Variants in MYOF observed in about 807,000 individuals in gnomAD.
MYOF encodes myoferlin.
In MYOF, 244 loss-of-function variants were observed where a neutral mutation model predicts 284.2. That is an observed-to-expected ratio of 0.86 (90% confidence interval 0.77 to 0.95). MYOF has a LOEUF of 0.95. Ranked by LOEUF, MYOF falls within the 40% of genes least tolerant of loss-of-function variation. MYOF has a pLI of 0.00. For missense variants in MYOF, 2,496 were observed against 2,560.6 expected, an observed-to-expected ratio of 0.97 and a Z score of 0.54; for synonymous variants, 904 against 919.7, an observed-to-expected ratio of 0.98 and a Z score of 0.31.
rs1844762336 is a variant in MYOF at position 93,355,662 on chromosome 10, T to C, written c.3369A>G (p.Gly1123=). ...TGCAGGAAACAATGGGGGTGTTTGC[T>C]CCGAACACAGTGGTGGCACTGTGCT... ...KQKHSATTVF[G]ANTPIVSCNF... is the part of the protein sequence containing the mutation. The change falls in exon 31 of 54, where the codon GGA becomes GGG. Residue 1123 remains glycine (G), a synonymous_variant. Coordinates refer to ENST00000359263, the MANE Select transcript of MYOF (RefSeq NM_013451.4). 2 of 1,612,406 alleles carry C rather than the reference T, an allele frequency of 1.2e-6. No homozygotes were observed. The highest frequency in any genetic ancestry group is 4.5e-5 in the East Asian group (2 of 44,884).
At position 93,409,651 on chromosome 10, in the gene MYOF, C is replaced by G. The variant is rs752115954; in HGVS notation, c.522G>C (p.Ser174=). 6.2e-7 allele frequency: 1 copy of G among 1,614,236 alleles called. No individual in the cohort carries two copies. Among genetic ancestry groups the G allele is most frequent in the Admixed American group, 1.7e-5 (1 of 60,028 alleles). The part of the protein sequence containing the change: ...PGPKGPVGTV[S]EAQLARRLTK... ...TGAGCCTCCGAGCAAGCTGAGCTTC[C>G]GACACCGTCCCAACTGGCCCCTTGG... is the stretch of plus-strand genomic sequence containing the variant. Residue 174 remains serine (S), a synonymous_variant, in exon 6 of 54, where the codon TCG becomes TCC. Coordinates refer to ENST00000359263, the MANE Select transcript of MYOF (RefSeq NM_013451.4).
intron 30 of MYOF, among the ~76,000 whole-genome samples, chr10:93,356,207 T>TC (rs1440520571): frequency 1.3e-5 from 2 of 152,172 alleles, no homozygotes; most frequent in African/African-American, 4.8e-5. Context: ...GCCTGCTTTT[T>TC]CCCCCGACTT....
chr10:93,316,478 C>T (rs976994163), intron 50 of MYOF, among the ~76,000 whole-genome samples: 11 of 152,020 alleles, frequency 7.2e-5, no homozygotes, highest in African/African-American at 2.4e-4. Flanking sequence ...TGAGTCTTCA[C>T]AGACAGACAG....
At position 93,307,060 on chromosome 10, in the gene MYOF, A is replaced by AG. The variant is rs907563199; in HGVS notation, c.6148-60dup. On this transcript the variant is annotated intron_variant, in intron 53 of 53. Transcript: ENST00000359263. ...ATGTATGTATATATGTTTTTCAGTT[A>AG]GGGTTTCTCAATCTTGAGAAAAAAT... The AG allele has an allele frequency of 4.1e-6, 6 of 1,479,056 alleles. No individual in the cohort carries two copies. In the African/African-American group the frequency reaches 8.5e-5, roughly 21 times the overall value. The allele number at this position is 1,479,056 out of a possible 1,614,324, so 91.6% of individuals were successfully genotyped here. A position where few individuals can be genotyped will look rare whatever the true frequency, so the allele number is the denominator to read the frequency against.
At chr10:93,358,582 A>G (rs1298440651) in intron 29 of MYOF, among the ~76,000 whole-genome samples, 2 of 152,140 alleles carry the variant, frequency 1.3e-5, no homozygotes, top group Admixed American at 1.3e-4. Flanking sequence ...GGATGAAGAA[A>G]ATGTGGTATA....
In MYOF at chr10:93,401,448, T is replaced by TC; in HGVS notation, c.1086dup (p.Lys363GlufsTer6). On this transcript the variant is annotated frameshift_variant, in exon 12 of 54. Transcript: ENST00000359263. LOFTEE classifies it high-confidence loss of function. ...GGGATGTCCTCAGCTCGGTAGATTT[T>TC]CAGCAAGAAGGTCACCCACCGGAGG... 1.2e-6 allele frequency: 2 copies of TC among 1,614,202 alleles called. No individual in the cohort carries two copies. Among genetic ancestry groups the TC allele is most frequent in the Non-Finnish European group, 1.7e-6 (2 of 1,180,024 alleles).
At chr10:93,326,575 C>T (rs560214030) in intron 45 of MYOF, among the ~76,000 whole-genome samples, 17 of 152,258 alleles carry the variant, frequency 1.1e-4, no homozygotes, top group South Asian at 2.1e-4. Context: ...TGTTAGAACA[C>T]GGAAATTTGG....
intron 1 of MYOF, among the ~76,000 whole-genome samples, chr10:93,463,157 A>C (rs1449552373): frequency 6.6e-6 from 1 of 152,124 alleles, no homozygotes; most frequent in Non-Finnish European, 1.5e-5. Context: ...CCTCCAAACA[A>C]GGTTTCCGGG....
intron 31 of MYOF, among the ~76,000 whole-genome samples, chr10:93,355,105 G>A (rs1844735298): frequency 6.6e-6 from 1 of 152,172 alleles, no homozygotes. Context: ...GAGATAGACT[G>A]TTAATATCAG....
chr10:93,389,731 C>T (rs1301971424), intron 17 of MYOF, among the ~76,000 whole-genome samples: 1 of 152,112 alleles, frequency 6.6e-6, no homozygotes, highest in Admixed American at 6.5e-5. Flanking sequence ...CTCTGGTGGT[C>T]ATCTGATAAG....
chr10:93,309,512 C>T (rs1288795964), intron 53 of MYOF, among the ~76,000 whole-genome samples: 1 of 151,808 alleles, frequency 6.6e-6, no homozygotes, highest in East Asian at 1.9e-4. Context: ...TAAATGTGGA[C>T]AGAGAAACAA....
intron 18 of MYOF, among the ~76,000 whole-genome samples, chr10:93,388,223 G>T (rs12783792): frequency 2.0e-5 from 3 of 151,810 alleles, no homozygotes; most frequent in Non-Finnish European, 4.4e-5. Flanking sequence ...GCTGGGAGGT[G>T]GGGGGTGGGG....
Position 93,397,299 on chromosome 10 carries a change from AT to A in MYOF, c.1291-10del, listed in dbSNP as rs761158799. 9 of 1,602,020 alleles carry A rather than the reference AT, an allele frequency of 5.6e-6. No homozygotes were observed. Among genetic ancestry groups the A allele is most frequent in the South Asian group, 3.4e-5 (3 of 89,526 alleles). On this transcript the variant is annotated splice_polypyrimidine_tract_variant and intron_variant, in intron 14 of 53. Transcript: ENST00000359263. ...TCACACACTGAAGGAAACTAAAAAA[AT>A]GAGACAGAAAAAAGTAGTTATTTCT...
chr10:93,404,171 T>C lies in MYOF; in HGVS notation c.778A>G (p.Ile260Val). The change falls in exon 8 of 54, where the codon ATC becomes GTC. Residue 260 changes from isoleucine (I) to valine (V), a missense_variant. Around this residue, in one of 3 missense-constraint regions of MYOF, gnomAD observed 2,436 missense variants for 2,480.7 expected, o/e 0.98. Transcript: ENST00000359263. Reference protein sequence around the residue: ...NMTPSELMDEIISIRVYNSHS... With the variant: ...NMTPSELMDEVISIRVYNSHS... The stretch of plus-strand genomic sequence containing the variant: ...CTGACCCTTACCCGGATGCTGATGA[T>C]CTCATCCATCAATTCAGAAGGGGTC... 1 of 1,614,150 alleles carries C rather than the reference T, an allele frequency of 6.2e-7. No homozygotes were observed. Among genetic ancestry groups the C allele is most frequent in the Non-Finnish European group, 8.5e-7 (1 of 1,180,016 alleles).
At chr10:93,450,738 G>A (rs1302306607) in intron 3 of MYOF, among the ~76,000 whole-genome samples, 1 of 152,112 alleles carries the variant, frequency 6.6e-6, no homozygotes, top group African/African-American at 2.4e-5. Context: ...TGCTCTCACT[G>A]CAGCCTTCAG....
chr10:93,388,969 T>G, intron 18 of MYOF, 61 bp downstream of exon 18: 1 of 1,569,774 alleles, frequency 6.4e-7, no homozygotes, highest in Non-Finnish European at 8.6e-7. Context: ...TCAGACATTA[T>G]AAGAAGAAAT....
At chr10:93,467,657 A>G (rs1476479682) in intron 1 of MYOF, among the ~76,000 whole-genome samples, 1 of 152,150 alleles carries the variant, frequency 6.6e-6, no homozygotes, top group Non-Finnish European at 1.5e-5. Flanking sequence ...TCATGCTGCT[A>G]TAAAGACACA....
Position 93,336,020 on chromosome 10 carries a change from T to C in MYOF, c.4464A>G (p.Val1488=). ...AGTCTGTCAGGCCCTCAAATTCTGC[T>C]ACATTTTCTAGTTCACAATTATATA... ...LKIYNCELEN[V]AEFEGLTDFS... Residue 1488 remains valine (V), a synonymous_variant, in exon 41 of 54, where the codon GTA becomes GTG. Transcript: ENST00000359263. The C allele has an allele frequency of 1.2e-6, 2 of 1,614,034 alleles. No homozygotes were observed. Among genetic ancestry groups the C allele is most frequent in the African/African-American group, 1.3e-5 (1 of 75,054 alleles).
rs369657488 is a variant in MYOF at position 93,401,474 on chromosome 10, G to A, written c.1061C>T (p.Ala354Val). 98 of 1,614,000 alleles carry A rather than the reference G, an allele frequency of 6.1e-5. No individual in the cohort carries two copies. The highest frequency in any genetic ancestry group is 7.5e-5 in the Non-Finnish European group (88 of 1,180,016). The change falls in exon 12 of 54, where the codon GCC (alanine) becomes GTC (valine). Residue 354 changes from alanine to valine, a missense_variant. Coordinates refer to ENST00000359263, the MANE Select transcript of MYOF (RefSeq NM_013451.4). ...CAGCAAGAAGGTCACCCACCGGAGG[G>A]CAATGCCAGCAGGGAGTAACAAATT... The part of the protein sequence containing the change: ...ESNLLLPAGI[A>V]LRWVTFLLKI...
Sources: gnomAD v4.1 joint callset for allele counts (sites outside exome capture counted in the v4.1 genomes callset) on GRCh38, gnomAD v4.1.1 for gene constraint, gnomAD v4.1.1 regional missense constraint, MANE v1.5 for transcripts, NCBI Gene and HGNC (gene_info 2026-07-23, HGNC 2026-07-21) for gene names.